XDH: variants seen among roughly 807,000 people sequenced by gnomAD.
XDH encodes xanthine dehydrogenase/oxidase.
In XDH, 138 loss-of-function variants were observed where a neutral mutation model predicts 156.1. The observed-to-expected ratio is 0.88, with a 90% confidence interval of 0.77 to 1.02. The LOEUF is 1.02. XDH is among the 50% of genes least tolerant of loss of function. XDH has a pLI of 0.00. For synonymous variants in XDH, 669 were observed against 625.7 expected (o/e 1.07, Z -1.03); for missense variants, 1,849 against 1,684.9 (o/e 1.10, Z -1.71).
chr2:31,358,928 G>T (rs543380346), intron 24 of XDH, among the ~76,000 whole-genome samples: 2 of 152,170 alleles, frequency 1.3e-5, no homozygotes, highest in East Asian at 3.9e-4. Context: ...TAAAGAAAAG[G>T]AGATGAAAAC....
rs1472591409 is a variant in XDH, at chr2:31,388,247, T to G, written c.544A>C (p.Asn182His). The G allele has an allele frequency of 1.2e-6, 2 of 1,614,194 alleles. No individual in the cohort carries two copies. The highest frequency in any genetic ancestry group is 1.7e-6 in the Non-Finnish European group (2 of 1,180,020). ...CTTACTGAGTGGTCTTTCTTCTGGT[T>G]CATGCAGCAATTTGGATTATTCCCA... ...GDGNNPNCCM[N>H]QKKDHSVSLS... Residue 182 changes from asparagine to histidine, a missense_variant, in exon 7 of 36, where the codon AAC becomes CAC. Coordinates refer to ENST00000379416, the MANE Select transcript of XDH (RefSeq NM_000379.4).
At chr2:31,361,424 C>A (rs1685773376) in intron 24 of XDH, among the ~76,000 whole-genome samples, 1 of 152,172 alleles carries the variant, frequency 6.6e-6, no homozygotes, top group South Asian at 2.1e-4. Context: ...TAAAATCAGC[C>A]ATTTCTCAGA....
intron 24 of XDH, among the ~76,000 whole-genome samples, chr2:31,353,292 C>A (rs1203663203): frequency 6.6e-6 from 1 of 152,106 alleles, no homozygotes; most frequent in Non-Finnish European, 1.5e-5. Flanking sequence ...ACTGGAGGAG[C>A]ATCAACTGAG....
chr2:31,395,962 C>G (rs1686891607), intron 6 of XDH, among the ~76,000 whole-genome samples: 1 of 152,196 alleles, frequency 6.6e-6, no homozygotes, highest in Non-Finnish European at 1.5e-5. Flanking sequence ...GTGGTCACTT[C>G]TCGCCGTGAG....
chr2:31,387,816 A>T lies in XDH; in HGVS notation c.646T>A (p.Leu216Met). 3.8e-6 allele frequency: 6 copies of T among 1,580,566 alleles called. No homozygotes were observed. Among genetic ancestry groups the T allele is most frequent in the Non-Finnish European group, 5.2e-6 (6 of 1,163,242 alleles). ...PTQEPIFPPELLRLKDTPRKQ... is the reference protein window; with the variant it reads ...PTQEPIFPPEMLRLKDTPRKQ... ...GTCCCTGAGGCATCACCTACCAGCA[A>T]CTCTGGGGGAAAAATGGGCTCCTGG... Residue 216 changes from leucine (L) to methionine (M), a missense_variant, in exon 8 of 36, where the codon TTG becomes ATG. Coordinates refer to ENST00000379416, the MANE Select transcript of XDH (RefSeq NM_000379.4).
Position 31,336,002 on chromosome 2 carries a change from T to C in XDH, c.3958A>G (p.Thr1320Ala). 6.2e-7 allele frequency: 1 copy of C among 1,614,174 alleles called. No homozygotes were observed. The highest frequency in any genetic ancestry group is 8.5e-7 in the Non-Finnish European group (1 of 1,180,022). The change falls in exon 36 of 36, where the codon ACT becomes GCT. Residue 1320 changes from threonine to alanine, a missense_variant. Coordinates refer to ENST00000379416, the MANE Select transcript of XDH (RefSeq NM_000379.4). ...GGTTTGCAGTTTTCTGGGACACCAG[T>C]GACACACTAGGAAGGAATGATAGTG... ...CVDKFTTLCV[T>A]GVPENCKPWS...
At chr2:31,339,291 A>C (rs992187502) in intron 34 of XDH, among the ~76,000 whole-genome samples, 198 bp downstream of exon 34, 1 of 152,146 alleles carries the variant, frequency 6.6e-6, no homozygotes, top group African/African-American at 2.4e-5. Context: ...TGCTCTCCTC[A>C]ACCCAATTTA....
chr2:31,389,817 G>C (rs114233868), intron 6 of XDH, among the ~76,000 whole-genome samples: 391 of 151,912 alleles, frequency 2.6e-3, no homozygotes, highest in African/African-American at 9.0e-3. Flanking sequence ...TTACTAAATA[G>C]GCTAAGGCTT....
chr2:31,337,744 C>A lies in XDH; in HGVS notation c.3848G>T (p.Arg1283Leu). Reference sequence around the variant, plus strand: ...CACGTTATTACCTGTGTGCTGAGCTCGAGCTGCACGGATGGCATCTTTGAT... The same window carrying A: ...CACGTTATTACCTGTGTGCTGAGCTAGAGCTGCACGGATGGCATCTTTGAT... ...FAIKDAIRAA[R>L]AQHTGNNVKE... Residue 1283 changes from arginine (R) to leucine (L), a missense_variant, in exon 35 of 36, where the codon CGA becomes CTA. Physicochemically the swap from Arg to Leu is moderately radical, Grantham distance 102 (BLOSUM62 -2). Coordinates refer to ENST00000379416, the MANE Select transcript of XDH (RefSeq NM_000379.4). The A allele has an allele frequency of 6.2e-7, 1 of 1,614,210 alleles. No homozygotes were observed.
chr2:31,363,729 C>T (rs2148765680), intron 24 of XDH, among the ~76,000 whole-genome samples: 1 of 152,236 alleles, frequency 6.6e-6, no homozygotes, highest in East Asian at 1.9e-4. Flanking sequence ...CAATACCATT[C>T]CAATCGTTGT....
At chr2:31,362,046 C>G (rs1204575429) in intron 24 of XDH, among the ~76,000 whole-genome samples, 2 of 96,912 alleles carry the variant, frequency 2.1e-5, no homozygotes, top group Non-Finnish European at 4.4e-5. Context: ...TATACTTGCT[C>G]TCATTACAAA....
intron 24 of XDH, 58 bp from the exon 25 acceptor site, chr2:31,350,281 A>C: frequency 1.3e-6 from 2 of 1,599,192 alleles, no homozygotes; most frequent in Non-Finnish European, 1.7e-6. Flanking sequence ...TTGGTTCCTC[A>C]AAGTAGGAAC....
At chr2:31,386,264 A>G (rs2148784560) in intron 9 of XDH, 150 bp downstream of exon 9, 1 of 1,078,494 alleles carries the variant, frequency 9.3e-7, no homozygotes, top group Admixed American at 2.1e-5. Context: ...TGGAGTGTCC[A>G]GGGATTTCCA....
chr2:31,343,312 A>ATATATATGCATGTT (rs1558675339), intron 31 of XDH, among the ~76,000 whole-genome samples: 3 of 136,590 alleles, frequency 2.2e-5, no homozygotes, highest in Non-Finnish European at 4.7e-5. Flanking sequence ...ATATATATAT[A>ATATATATGCATGTT]TATATATATA....
At chr2:31,378,075 A>AAAGG in intron 13 of XDH, among the ~76,000 whole-genome samples, 1 of 28,052 alleles carries the variant, frequency 3.6e-5, no homozygotes, top group Admixed American at 4.2e-4. Flanking sequence ...AGAAAGAAAG[A>AAAGG]AAGAAAGAAA....
intron 17 of XDH, among the ~76,000 whole-genome samples, chr2:31,371,747 T>C (rs1163055922): frequency 1.3e-5 from 2 of 152,200 alleles, no homozygotes; most frequent in African/African-American, 4.8e-5. Context: ...TCACCATTCC[T>C]GGAGGGATCC....
chr2:31,349,044 G>C, intron 26 of XDH, 64 bp from the exon 27 acceptor site: 6 of 1,494,990 alleles, frequency 4.0e-6, no homozygotes, highest in Non-Finnish European at 5.5e-6. Flanking sequence ...AATATCTTTG[G>C]ATGTTCACAT....
At chr2:31,408,939 G>C (rs1333630373) in intron 1 of XDH, among the ~76,000 whole-genome samples, 2 of 152,210 alleles carry the variant, frequency 1.3e-5, no homozygotes, top group Non-Finnish European at 2.9e-5. Flanking sequence ...ATACACACTG[G>C]AGTGCTATTT....
rs559627771 is a variant in XDH at position 31,383,164 on chromosome 2, C to A, written c.887-12G>T. ...TCCAAAGGAGATACCTGGGAACGCA[C>A]GTTCGGAATCACAGCAATTCTTCCC... On this transcript the variant is annotated splice_polypyrimidine_tract_variant and intron_variant, in intron 10 of 35. Coordinates refer to ENST00000379416, the MANE Select transcript of XDH (RefSeq NM_000379.4). The A allele has an allele frequency of 2.0e-5, 32 of 1,614,044 alleles. 1 individual carries two copies. The East Asian group carries it at 6.5e-4, about 33-fold the overall frequency.
Sources: gnomAD v4.1 joint callset for allele counts (sites outside exome capture counted in the v4.1 genomes callset) on GRCh38, gnomAD v4.1.1 for gene constraint, MANE v1.5 for transcripts, NCBI Gene and HGNC (gene_info 2026-07-23, HGNC 2026-07-21) for gene names.